SETMAR: variants seen among roughly 807,000 people sequenced by gnomAD.
SETMAR encodes the protein histone-lysine N-methyltransferase SETMAR.
A neutral mutation model predicts 58.4 loss-of-function variants in SETMAR; 44 were observed. The observed-to-expected ratio is 0.75, with a 90% CI of 0.59 to 0.97. The LOEUF is 0.97. Ranked by LOEUF, SETMAR falls within the 50% of genes least tolerant of loss-of-function variation. The pLI is 0.00. For synonymous variants in SETMAR, 332 were observed against 307.4 expected (o/e 1.08, Z -0.84); for missense variants, 903 against 840.2 (o/e 1.07, Z -0.92).
intron 1 of SETMAR, among the ~76,000 whole-genome samples, chr3:4,307,537 A>C (rs1316347676): frequency 1.3e-5 from 2 of 152,250 alleles, no homozygotes; most frequent in Non-Finnish European, 2.9e-5. Context: ...TGTTGCAGAC[A>C]GGAATAGCCA....
At chr3:4,303,832 A>G (rs1293807477) in intron 1 of SETMAR, 3 of 1,353,706 alleles carry the variant, frequency 2.2e-6, no homozygotes, top group Non-Finnish European at 2.9e-6. Flanking sequence ...TCACGGGGGG[A>G]GTCATTTACC....
rs1379181355 is a variant in SETMAR at position 4,313,484 on chromosome 3, CA to C, written c.744del (p.Ala249ProfsTer21). On this transcript the variant is annotated frameshift_variant, in exon 2 of 3. Transcript: ENST00000358065. LOFTEE classifies it high-confidence loss of function. ...ATGGTACCTAAGTTGGCACTTTTTG[CA>C]GCCAAAGATATTGTGCCAGAAGAAG... The part of the protein sequence containing the change: ...DSMVPKLALF[A>X]AKDIVPEEEL... 19 of 1,613,510 alleles carry C rather than the reference CA, an allele frequency of 1.2e-5. No individual in the cohort carries two copies. Among genetic ancestry groups the C allele is most frequent in the Non-Finnish European group, 1.6e-5 (19 of 1,179,866 alleles).
intron 1 of SETMAR, among the ~76,000 whole-genome samples, chr3:4,307,379 C>T (rs1379513717): frequency 1.3e-5 from 2 of 152,148 alleles, no homozygotes; most frequent in East Asian, 3.9e-4. Context: ...AACCTCATAA[C>T]CATGCTTTTC....
intron 2 of SETMAR, among the ~76,000 whole-genome samples, chr3:4,315,740 A>G (rs1397049607): frequency 6.6e-6 from 1 of 152,156 alleles, no homozygotes; most frequent in African/African-American, 2.4e-5. Context: ...TTTATAAATT[A>G]TAAGATTCAA....
intron 1 of SETMAR, among the ~76,000 whole-genome samples, chr3:4,311,578 A>C (rs73807000): frequency 7.9e-4 from 121 of 152,334 alleles, no homozygotes; most frequent in African/African-American, 2.8e-3. Flanking sequence ...AGTCAATGCC[A>C]CTTCTGAACA....
chr3:4,314,077 T>G (rs1698536841), intron 2 of SETMAR: 6 of 465,868 alleles, frequency 1.3e-5, no homozygotes, highest in Admixed American at 1.2e-4. Flanking sequence ...CTGGCTGGAA[T>G]GTATACATGA....
rs1459261292 is a variant in SETMAR at position 4,303,754 on chromosome 3, C to T, written c.156+228C>T. On this transcript the variant is annotated intron_variant, in intron 1 of 2. Transcript: ENST00000358065. ...GTCCTTTTCAGTCCATTCCCTGAAGCGCAGAACCGGAGGCCTTGTGAGAAC... is the reference window on the plus strand; with the variant it reads ...GTCCTTTTCAGTCCATTCCCTGAAGTGCAGAACCGGAGGCCTTGTGAGAAC... 6 of 1,476,928 alleles carry T rather than the reference C, an allele frequency of 4.1e-6. No homozygotes were observed. In the East Asian group the frequency reaches 8.9e-5, roughly 22 times the overall value. The allele number at this position is 1,476,928 out of a possible 1,614,324, so 91.5% of individuals were successfully genotyped here.
At position 4,316,754 on chromosome 3, in the gene SETMAR, C is replaced by A; in HGVS notation, c.1563C>A (p.Phe521Leu). 2 of 1,550,776 alleles carry A rather than the reference C, an allele frequency of 1.3e-6. No individual in the cohort carries two copies. The highest frequency in any genetic ancestry group is 1.2e-5 in the South Asian group (1 of 84,048). The change falls in exon 3 of 3, where the codon TTC becomes TTA. Residue 521 changes from phenylalanine (F) to leucine (L), a missense_variant. Transcript: ENST00000358065. The stretch of plus-strand genomic sequence containing the variant: ...ATCAAGAAGAAGCTCCAAAGCACTT[C>A]CCAAAGCCAATCTTGCACCCAAAAA... ...WLDQEEAPKH[F>L]PKPILHPKKV...
At chr3:4,312,704 A>T (rs1247899917) in intron 1 of SETMAR, among the ~76,000 whole-genome samples, 194 bp from the exon 2 acceptor site, 4 of 36,182 alleles carry the variant, frequency 1.1e-4, no homozygotes, top group African/African-American at 9.8e-4. Context: ...CCTGTCTCTT[A>T]AAAAAAAAAA....
At chr3:4,311,762 T>A (rs2125093661) in intron 1 of SETMAR, among the ~76,000 whole-genome samples, 1 of 152,350 alleles carries the variant, frequency 6.6e-6, no homozygotes, top group East Asian at 1.9e-4. Context: ...TCCTTACTTG[T>A]TCATTTATCT....
rs557372952 is a variant in SETMAR at position 4,308,022 on chromosome 3, G to A, written c.156+4496G>A. On this transcript the variant is annotated intron_variant, in intron 1 of 2. Transcript: ENST00000358065. ...ATTGCACTCCAGACTGGGCAGCAAC[G>A]TCTTAAAAAAAAAAAATCCCATTCT... is the stretch of plus-strand genomic sequence containing the variant. Among the ~76,000 whole-genome samples, 40 of 151,300 alleles carry A rather than the reference G, an allele frequency of 2.6e-4. No individual in the cohort carries two copies. In the South Asian group the frequency reaches 5.0e-3, roughly 19 times the overall value.
At chr3:4,305,136 A>G (rs1698138081) in intron 1 of SETMAR, among the ~76,000 whole-genome samples, 1 of 152,160 alleles carries the variant, frequency 6.6e-6, no homozygotes, top group Non-Finnish European at 1.5e-5. Context: ...CACCCAGGCT[A>G]GAGTGTGGTG....
Position 4,316,454 on chromosome 3 carries a change from C to A in SETMAR, c.1263C>A (p.Ile421=). Reference sequence around the variant, plus strand: ...ACAACGACCAGTTGAGAGCAATCATCGAAGCTGATCCCCTTACAACTACAC... The same window carrying A: ...ACAACGACCAGTTGAGAGCAATCATAGAAGCTGATCCCCTTACAACTACAC... The part of the protein sequence containing the change: ...EVDNDQLRAI[I]EADPLTTTRE... The change falls in exon 3 of 3, where the codon ATC becomes ATA. Residue 421 remains isoleucine (I), a synonymous_variant. Coordinates refer to ENST00000358065, the MANE Select transcript of SETMAR (RefSeq NM_006515.4). 6.2e-7 allele frequency: 1 copy of A among 1,602,962 alleles called. No homozygotes were observed. The highest frequency in any genetic ancestry group is 8.5e-7 in the Non-Finnish European group (1 of 1,174,924).
intron 1 of SETMAR, among the ~76,000 whole-genome samples, chr3:4,306,843 G>T (rs1698209569): frequency 6.6e-6 from 1 of 152,310 alleles, no homozygotes; most frequent in Non-Finnish European, 1.5e-5. Context: ...AAGGCAAAAA[G>T]AAATTCAAAT....
intron 1 of SETMAR, among the ~76,000 whole-genome samples, chr3:4,308,199 A>G (rs1400851788): frequency 1.3e-5 from 2 of 152,230 alleles, no homozygotes; most frequent in Non-Finnish European, 2.9e-5. Context: ...GGAAAGGTAT[A>G]CAGTCCGATG....
rs1698499810 is a variant in SETMAR at position 4,313,408 on chromosome 3, A to G, written c.667A>G (p.Asn223Asp). The change falls in exon 2 of 3, where the codon AAT (asparagine) becomes GAT (aspartate). Residue 223 changes from asparagine (N) to aspartate (D), a missense_variant. Transcript: ENST00000358065. ...TYIGNIGRFL[N>D]HSCEPNLLMI... is the part of the protein sequence containing the mutation. ...TATAGGAAATATTGGAAGATTCCTT[A>G]ATCATTCTTGTGAGCCAAACCTTTT... The G allele has an allele frequency of 6.2e-7, 1 of 1,613,836 alleles. No individual in the cohort carries two copies. Among genetic ancestry groups the G allele is most frequent in the Admixed American group, 1.7e-5 (1 of 59,978 alleles).
At position 4,316,593 on chromosome 3, in the gene SETMAR, C is replaced by A. The variant is rs779326736; in HGVS notation, c.1402C>A (p.Gln468Lys). ...KWVPHELTEN[Q>K]KNRRFEVSSS... The stretch of plus-strand genomic sequence containing the variant: ...GGTGCCTCATGAGCTGACTGAAAAT[C>A]AAAAAAATCGTCGTTTTGAAGTGTC... The change falls in exon 3 of 3, where the codon CAA (glutamine) becomes AAA (lysine). Residue 468 changes from glutamine (Q) to lysine (K), a missense_variant. Transcript: ENST00000358065. The A allele has an allele frequency of 1.0e-5, 16 of 1,551,328 alleles. No homozygotes were observed. Among genetic ancestry groups the A allele is most frequent in the Non-Finnish European group, 1.3e-5 (15 of 1,146,834 alleles).
At chr3:4,314,188 G>A (rs184435718) in intron 2 of SETMAR, 235 of 186,568 alleles carry the variant, frequency 1.3e-3, no homozygotes, top group Middle Eastern at 4.7e-3. Flanking sequence ...CTAGGTGTCT[G>A]GTACTGTAGA....
At chr3:4,312,854 A>G in intron 1 of SETMAR, 44 bp from the exon 2 acceptor site, 1 of 1,547,046 alleles carries the variant, frequency 6.5e-7, no homozygotes. Context: ...TATAGGAAAT[A>G]TATGACATGC....
Sources: allele counts gnomAD v4.1 joint callset (sites outside exome capture counted in the v4.1 genomes callset), GRCh38; gene constraint gnomAD v4.1.1; transcripts MANE v1.5; gene names NCBI Gene and HGNC (gene_info 2026-07-23, HGNC 2026-07-21).